Variants in CMSS1 observed in about 807,000 individuals in gnomAD.
CMSS1 encodes protein CMSS1.
CMSS1 carries 33 observed loss-of-function variants against 43.5 expected under a neutral mutation model. The observed-to-expected ratio is 0.76, with a 90% CI of 0.57 to 1.01. The LOEUF is 1.01. CMSS1 is among the 50% of genes least tolerant of loss of function. The pLI is 0.00. For missense variants in CMSS1, 313 were observed against 326.4 expected, an observed-to-expected ratio of 0.96 and a Z score of 0.32; for synonymous variants, 115 against 117.2, an observed-to-expected ratio of 0.98 and a Z score of 0.12.
At chr3:100,017,540 A>G (rs1389032037) in intron 1 of CMSS1, among the ~76,000 whole-genome samples, 1 of 152,218 alleles carries the variant, frequency 6.6e-6, no homozygotes, top group East Asian at 1.9e-4. Context: ...AAATTATTGT[A>G]TATGTACTTT....
chr3:100,089,771 T>C (rs2066071995), intron 1 of CMSS1, among the ~76,000 whole-genome samples: 1 of 152,220 alleles, frequency 6.6e-6, no homozygotes, highest in Non-Finnish European at 1.5e-5. Flanking sequence ...CCGTGGCTAA[T>C]TGAGGAAGAT....
At chr3:99,942,462 G>T (rs1257191467) in intron 1 of CMSS1, among the ~76,000 whole-genome samples, 1 of 152,294 alleles carries the variant, frequency 6.6e-6, no homozygotes, top group Middle Eastern at 3.4e-3. Context: ...TCTACATTTT[G>T]TATATTTGGA....
intron 1 of CMSS1, among the ~76,000 whole-genome samples, chr3:100,078,107 T>C (rs2065877974): frequency 6.6e-6 from 1 of 152,084 alleles, no homozygotes; most frequent in South Asian, 2.1e-4. Flanking sequence ...ATATGCTGGT[T>C]TGATAAAAAT....
chr3:99,946,015 T>C (rs1371839823), intron 1 of CMSS1, among the ~76,000 whole-genome samples: 1 of 152,218 alleles, frequency 6.6e-6, no homozygotes, highest in East Asian at 1.9e-4. Flanking sequence ...AGTTGGTAGA[T>C]GTATTTCTAG....
At chr3:99,825,939 G>T (rs1942529455) in intron 1 of CMSS1, among the ~76,000 whole-genome samples, 1 of 151,606 alleles carries the variant, frequency 6.6e-6, no homozygotes, top group Non-Finnish European at 1.5e-5. Context: ...CACCATGCCT[G>T]GCTAATTTTT....
In CMSS1 at chr3:99,994,584, T is replaced by G. The variant is rs187949345; in HGVS notation, c.65-152389T>G. ...CTAGAAATCAATACAAGAGGAACTT[T>G]GGAACCTATACAAATACATGGAAAT... On this transcript the variant is annotated intron_variant, in intron 1 of 9. Coordinates refer to ENST00000421999, the MANE Select transcript of CMSS1 (RefSeq NM_032359.4). Among the ~76,000 whole-genome samples, 235 of 152,296 alleles carry G rather than the reference T, an allele frequency of 1.5e-3. 1 individual carries two copies. Among genetic ancestry groups the G allele is most frequent in the African/African-American group, 5.5e-3 (230 of 41,572 alleles).
intron 1 of CMSS1, among the ~76,000 whole-genome samples, chr3:100,145,585 A>G (rs2066843129): frequency 6.6e-6 from 1 of 152,196 alleles, no homozygotes; most frequent in Non-Finnish European, 1.5e-5. Context: ...TAAGATCTTC[A>G]TGGCAAGTTG....
chr3:99,944,319 G>A (rs1367152375), intron 1 of CMSS1, among the ~76,000 whole-genome samples: 1 of 152,164 alleles, frequency 6.6e-6, no homozygotes, highest in Non-Finnish European at 1.5e-5. Context: ...CCAGTTTGGA[G>A]GGACGTAACA....
chr3:99,852,106 A>G (rs1223561058), intron 1 of CMSS1, among the ~76,000 whole-genome samples: 1 of 152,230 alleles, frequency 6.6e-6, no homozygotes, highest in Non-Finnish European at 1.5e-5. Flanking sequence ...CATGTAGTAT[A>G]AACTATCTCT....
chr3:100,097,360 G>A (rs1490744787), intron 1 of CMSS1, among the ~76,000 whole-genome samples: 1 of 152,166 alleles, frequency 6.6e-6, no homozygotes, highest in African/African-American at 2.4e-5. Context: ...AAAGGCTACA[G>A]GAGGATCTGC....
intron 1 of CMSS1, among the ~76,000 whole-genome samples, chr3:100,125,394 C>T (rs945649517): frequency 2.0e-4 from 31 of 152,214 alleles, no homozygotes; most frequent in Admixed American, 1.1e-3. Context: ...GGAGACACAT[C>T]TGTTTGCAAA....
At chr3:100,113,645 C>G (rs2066526789) in intron 1 of CMSS1, among the ~76,000 whole-genome samples, 1 of 152,192 alleles carries the variant, frequency 6.6e-6, no homozygotes, top group Non-Finnish European at 1.5e-5. Context: ...ATTTTCAACA[C>G]ATTGTGATGA....
chr3:99,959,028 G>A (rs1426104273), intron 1 of CMSS1, among the ~76,000 whole-genome samples: 4 of 151,868 alleles, frequency 2.6e-5, no homozygotes, highest in Admixed American at 6.6e-5. Context: ...TTTTTAATCC[G>A]ATAAATTATT....
intron 1 of CMSS1, among the ~76,000 whole-genome samples, chr3:100,080,873 A>G (rs757190219): frequency 1.6e-4 from 25 of 152,216 alleles, no homozygotes; most frequent in Non-Finnish European, 1.8e-4. Flanking sequence ...TTTTCCTGCC[A>G]TGGTTACCAA....
intron 1 of CMSS1, chr3:99,833,212 TAA>T (rs1456835045): frequency 4.4e-6 from 7 of 1,608,670 alleles, no homozygotes; most frequent in Non-Finnish European, 6.0e-6. Context: ...TGGAATGCCT[TAA>T]AAGTCTGAAG....
At chr3:99,952,447 T>C (rs1198046333) in intron 1 of CMSS1, among the ~76,000 whole-genome samples, 3 of 152,150 alleles carry the variant, frequency 2.0e-5, no homozygotes, top group Non-Finnish European at 4.4e-5. Flanking sequence ...CCCCAAAAAT[T>C]CCAACTCTGA....
chr3:100,172,188 G>A (rs1171720591), intron 7 of CMSS1, 128 bp from the exon 8 acceptor site: 17 of 791,498 alleles, frequency 2.1e-5, no homozygotes, highest in Middle Eastern at 2.4e-4. Context: ...CCTGGAAGTC[G>A]ACCCTACACA....
chr3:100,018,322 A>T (rs568875788), intron 1 of CMSS1, among the ~76,000 whole-genome samples: 89 of 152,196 alleles, frequency 5.8e-4, no homozygotes, highest in Admixed American at 1.1e-3. Flanking sequence ...GCAAAACTCC[A>T]TCTCCAAACA....
intron 1 of CMSS1, among the ~76,000 whole-genome samples, chr3:99,950,855 AAGAG>A (rs1041622251): frequency 2.7e-5 from 4 of 150,214 alleles, no homozygotes; most frequent in South Asian, 2.1e-4. Context: ...AGTAAAAATA[AAGAG>A]AGAGAGAGAG....
Sources: allele counts gnomAD v4.1 joint callset (sites outside exome capture counted in the v4.1 genomes callset), GRCh38; gene constraint gnomAD v4.1.1; transcripts MANE v1.5; gene names NCBI Gene and HGNC (gene_info 2026-07-23, HGNC 2026-07-21).